Variants in RAE1 observed in about 807,000 individuals in gnomAD.
RAE1 encodes ribonucleic acid export 1.
Under a neutral mutation model 52.7 loss-of-function variants are expected in RAE1, and 13 were observed. That is an observed-to-expected ratio of 0.25 (90% CI 0.16 to 0.39). The LOEUF is 0.39. Among genes scored for constraint, RAE1 ranks in the 10% least tolerant of loss-of-function variants. The probability of loss-of-function intolerance (pLI) is 1.00; values close to 1 mark genes in which losing one functional copy is unlikely to be tolerated. For missense variants in RAE1, 262 were observed against 459.8 expected (o/e 0.57, Z 3.93); for synonymous variants, 164 against 153.1 (o/e 1.07, Z -0.52).
intron 5 of RAE1, 97 bp downstream of exon 5, chr20:57,365,539 C>T (rs893946461): frequency 9.3e-6 from 8 of 857,446 alleles, no homozygotes; most frequent in South Asian, 2.2e-5. Context: ...AATAAGAAAA[C>T]GTGCAGTTAG....
chr20:57,352,924 G>A (rs905068232), intron 1 of RAE1, among the ~76,000 whole-genome samples: 39 of 152,202 alleles, frequency 2.6e-4, no homozygotes, highest in African/African-American at 8.9e-4. Context: ...TGGCCGGCAA[G>A]GACCACATCC....
At chr20:57,371,007 C>A (rs2067028153) in intron 8 of RAE1, 1 of 152,202 alleles carries the variant, frequency 6.6e-6, no homozygotes. Flanking sequence ...TTGGAACTTT[C>A]CCTCTCCTGT....
At position 57,373,643 on chromosome 20, in the gene RAE1, C is replaced by T; in HGVS notation, c.750-20C>T. Reference sequence around the variant, plus strand: ...ACTTTTTTTAACAAAGGAAGACTTACATGAACCTTTGTCTTTCAGCGCCAA... The same window carrying T: ...ACTTTTTTTAACAAAGGAAGACTTATATGAACCTTTGTCTTTCAGCGCCAA... On this transcript the variant is annotated intron_variant, in intron 9 of 11. Coordinates refer to ENST00000395841, the MANE Select transcript of RAE1 (RefSeq NM_003610.4). 6.2e-7 allele frequency: 1 copy of T among 1,613,660 alleles called. No homozygotes were observed. The highest frequency in any genetic ancestry group is 1.7e-4 in the Middle Eastern group (1 of 6,060).
intron 2 of RAE1, among the ~76,000 whole-genome samples, chr20:57,354,418 A>G (rs1055979635): frequency 1.2e-4 from 19 of 152,154 alleles, no homozygotes; most frequent in African/African-American, 4.6e-4. Context: ...GGTTGGAGAG[A>G]GGGGATGGCA....
intron 8 of RAE1, 130 bp downstream of exon 8, chr20:57,368,942 A>G (rs1309123085): frequency 4.3e-6 from 3 of 698,148 alleles, no homozygotes; most frequent in Non-Finnish European, 7.4e-6. Context: ...ATTGAAGGAT[A>G]TAAACACAAA....
chr20:57,365,659 A>ATCTTC (rs1231546592), intron 5 of RAE1, among the ~76,000 whole-genome samples: 3 of 152,204 alleles, frequency 2.0e-5, no homozygotes, highest in Admixed American at 1.3e-4. Context: ...CTTGTCATGG[A>ATCTTC]TCTTCATATA....
At chr20:57,366,704 C>T in intron 5 of RAE1, 103 bp from the exon 6 acceptor site, 3 of 1,113,614 alleles carry the variant, frequency 2.7e-6, no homozygotes, top group Non-Finnish European at 4.0e-6. Context: ...TGGTATGGCC[C>T]CAGTATTTAA....
intron 1 of RAE1, among the ~76,000 whole-genome samples, chr20:57,352,638 A>AC (rs2066727259): frequency 1.3e-5 from 2 of 152,216 alleles, no homozygotes; most frequent in African/African-American, 4.8e-5. Flanking sequence ...TTCTCTCCCA[A>AC]CTTGAAGGTT....
intron 1 of RAE1, chr20:57,351,981 A>G (rs1039174287): frequency 2.0e-6 from 2 of 985,212 alleles, no homozygotes; most frequent in South Asian, 4.7e-5. Flanking sequence ...CCCAGTATGC[A>G]TTAAGGGAAG....
chr20:57,369,211 C>A (rs1047582445), intron 8 of RAE1, among the ~76,000 whole-genome samples: 3 of 152,220 alleles, frequency 2.0e-5, no homozygotes, highest in Admixed American at 6.5e-5. Flanking sequence ...TGCTTTCATA[C>A]CATCTTGAGG....
At chr20:57,365,514 A>T in intron 5 of RAE1, 72 bp downstream of exon 5, 1 of 1,007,394 alleles carries the variant, frequency 9.9e-7, no homozygotes, top group Non-Finnish European at 1.4e-6. Context: ...TAAGTGAAAT[A>T]ATTATTATAA....
At chr20:57,353,663 G>A (rs2066743871) in intron 1 of RAE1, among the ~76,000 whole-genome samples, 1 of 152,222 alleles carries the variant, frequency 6.6e-6, no homozygotes, top group African/African-American at 2.4e-5. Context: ...TTCCTGCTGC[G>A]CAGCTCAGGG....
At chr20:57,355,216 T>C (rs1269578649) in intron 3 of RAE1, among the ~76,000 whole-genome samples, 3 of 152,142 alleles carry the variant, frequency 2.0e-5, no homozygotes, top group Admixed American at 1.3e-4. Context: ...GCCTAGATAC[T>C]TACTCATCAT....
chr20:57,377,646 T>A (rs2426710), intron 11 of RAE1, among the ~76,000 whole-genome samples: 71,585 of 152,116 alleles, frequency 0.47, 20,804 homozygotes, highest in East Asian at 0.75. Flanking sequence ...GCAGGTCAGA[T>A]GTCCTCCTTT....
At chr20:57,360,616 C>T (rs1033408744) in intron 4 of RAE1, among the ~76,000 whole-genome samples, 1 of 152,170 alleles carries the variant, frequency 6.6e-6, no homozygotes, top group African/African-American at 2.4e-5. Context: ...GCTACTGTGT[C>T]TTCAGGGTAT....
chr20:57,369,570 G>A (rs555421414), intron 8 of RAE1, among the ~76,000 whole-genome samples: 24 of 152,194 alleles, frequency 1.6e-4, no homozygotes, highest in Non-Finnish European at 3.4e-4. Context: ...ATATGTCAGA[G>A]AAGTCTATTT....
chr20:57,368,544 TCTA>T (rs2066989976), intron 7 of RAE1, among the ~76,000 whole-genome samples, 158 bp from the exon 8 acceptor site: 1 of 152,356 alleles, frequency 6.6e-6, no homozygotes, highest in Admixed American at 6.5e-5. Flanking sequence ...ATATGAATGT[TCTA>T]CTTTCAAATA....
chr20:57,351,340 G>A lies in RAE1; in HGVS notation c.-90G>A. ...ATTTCTGTCCGCGCTCCTGGCCCTC[G>A]TCCTTCGCGCCAGAGCAGGTTCGCA... is the stretch of plus-strand genomic sequence containing the variant. On this transcript the variant is annotated 5_prime_UTR_variant, in exon 1 of 12. Coordinates refer to ENST00000395841, the MANE Select transcript of RAE1 (RefSeq NM_003610.4). 1.0e-6 allele frequency: 1 copy of A among 985,424 alleles called. No homozygotes were observed. Among genetic ancestry groups the A allele is most frequent in the East Asian group, 1.1e-4 (1 of 8,796 alleles). The allele number at this position is 985,424 out of a possible 1,614,324, so 61.0% of individuals were successfully genotyped here. A position where few individuals can be genotyped will look rare whatever the true frequency, so the allele number is the denominator to read the frequency against.
chr20:57,375,025 G>T (rs2067092063), intron 11 of RAE1: 1 of 710,112 alleles, frequency 1.4e-6, no homozygotes, highest in Non-Finnish European at 2.6e-6. Context: ...TGCTCGGCCA[G>T]TGTGAGCCAT....
Sources: allele counts gnomAD v4.1 joint callset (sites outside exome capture counted in the v4.1 genomes callset), GRCh38; gene constraint gnomAD v4.1.1; transcripts MANE v1.5; gene names NCBI Gene and HGNC (gene_info 2026-07-23, HGNC 2026-07-21).